GJA1: variants seen among roughly 807,000 people sequenced by gnomAD.
The protein encoded by GJA1 is gap junction alpha-1 protein.
Under a neutral mutation model 31.0 loss-of-function variants are expected in GJA1, and 9 were observed. That is an observed-to-expected ratio of 0.29 (90% CI 0.17 to 0.51). The LOEUF is 0.51. GJA1 is among the 20% of genes least tolerant of loss of function. GJA1 has a pLI of 0.98. For missense variants in GJA1, 278 were observed against 468.8 expected (o/e 0.59, Z 3.76); for synonymous variants, 186 against 180.1 (o/e 1.03, Z -0.26).
rs756786635 is a variant in GJA1 at position 121,447,738 on chromosome 6, T to C, written c.891T>C (p.Ser297=). ...TTACTGGCGACAGAAACAATTCTTC[T>C]TGCCGCAATTACAACAAGCAAGCAA... ...KLVTGDRNNS[S]CRNYNKQASE... is the part of the protein sequence containing the mutation. Residue 297 remains serine, a synonymous_variant, in exon 2 of 2, where the codon TCT becomes TCC. Coordinates refer to ENST00000282561, the MANE Select transcript of GJA1 (RefSeq NM_000165.5). 8.7e-6 allele frequency: 14 copies of C among 1,614,112 alleles called. No homozygotes were observed. The highest frequency in any genetic ancestry group is 1.2e-5 in the Non-Finnish European group (14 of 1,180,008).
chr6:121,437,186 A>G (rs1284614861), intron 1 of GJA1, among the ~76,000 whole-genome samples: 1 of 152,104 alleles, frequency 6.6e-6, no homozygotes, highest in African/African-American at 2.4e-5. Context: ...TTTCCCCCAA[A>G]TCCTCACAAG....
At position 121,447,880 on chromosome 6, in the gene GJA1, A is replaced by G. The variant is rs764494850; in HGVS notation, c.1033A>G (p.Lys345Glu). The G allele has an allele frequency of 1.2e-5, 19 of 1,613,734 alleles. No homozygotes were observed. Among genetic ancestry groups the G allele is most frequent in the Non-Finnish European group, 1.6e-5 (19 of 1,179,856 alleles). ...TTTCCCCGATGATAACCAGAATTCT[A>G]AAAAACTAGCTGCTGGACATGAATT... ...FDFPDDNQNS[K>E]KLAAGHELQP... Residue 345 changes from lysine (K) to glutamate (E), a missense_variant, in exon 2 of 2, where the codon AAA (lysine) becomes GAA (glutamate). Physicochemically the swap from Lys to Glu is moderately conservative, Grantham distance 56. Coordinates refer to ENST00000282561, the MANE Select transcript of GJA1 (RefSeq NM_000165.5).
In GJA1 at chr6:121,447,225, C is replaced by T. The variant is rs1773903286; in HGVS notation, c.378C>T (p.His126=). 1 of 1,613,966 alleles carries T rather than the reference C, an allele frequency of 6.2e-7. No individual in the cohort carries two copies. Among genetic ancestry groups the T allele is most frequent in the Non-Finnish European group, 8.5e-7 (1 of 1,179,990 alleles). ...CTGATGGTGTCAATGTGGACATGCA[C>T]TTGAAGCAGATTGAGATAAAGAAGT... ...AQTDGVNVDM[H]LKQIEIKKFK... The change falls in exon 2 of 2, where the codon CAC becomes CAT. Residue 126 remains histidine (H), a synonymous_variant. Transcript: ENST00000282561.
intron 1 of GJA1, among the ~76,000 whole-genome samples, chr6:121,438,530 G>A (rs548327050): frequency 2.0e-4 from 30 of 151,294 alleles, no homozygotes; most frequent in Non-Finnish European, 3.7e-4. Flanking sequence ...GGTGTAGCTT[G>A]GTTTGAGCCT....
At chr6:121,440,184 C>G (rs1236222595) in intron 1 of GJA1, among the ~76,000 whole-genome samples, 1 of 151,586 alleles carries the variant, frequency 6.6e-6, no homozygotes, top group African/African-American at 2.4e-5. Context: ...AACTAGGGGA[C>G]AACCACACAG....
At chr6:121,446,378 G>A (rs1240760733) in intron 1 of GJA1, among the ~76,000 whole-genome samples, 1 of 152,204 alleles carries the variant, frequency 6.6e-6, no homozygotes, top group Non-Finnish European at 1.5e-5. Flanking sequence ...TTATGGATGT[G>A]TGTTTATAGG....
chr6:121,448,863 A>G lies in GJA1; in HGVS notation c.*867A>G, dbSNP rs1582559548. On this transcript the variant is annotated 3_prime_UTR_variant, in exon 2 of 2. Transcript: ENST00000282561. ...GTTTTGTTTGTCATGTATTGGTACAAGCAGATACAGTATAAACTCACAAAC... is the reference window on the plus strand; with the variant it reads ...GTTTTGTTTGTCATGTATTGGTACAGGCAGATACAGTATAAACTCACAAAC... 6.0e-6 allele frequency: 1 copy of G among 166,992 alleles called. No homozygotes were observed. Among genetic ancestry groups the G allele is most frequent in the Non-Finnish European group, 1.5e-5 (1 of 68,134 alleles). 10.3% of individuals were successfully genotyped at this position (166,992 alleles called of 1,614,324 possible).
Position 121,447,921 on chromosome 6 carries a change from T to C in GJA1, c.1074T>C (p.Ile358=), listed in dbSNP as rs1256963143. The change falls in exon 2 of 2, where the codon ATT becomes ATC. Residue 358 remains isoleucine (I), a synonymous_variant. Coordinates refer to ENST00000282561, the MANE Select transcript of GJA1 (RefSeq NM_000165.5). The part of the protein sequence containing the change: ...AAGHELQPLA[I]VDQRPSSRAS... ...GACATGAATTACAGCCACTAGCCAT[T>C]GTGGACCAGCGACCTTCAAGCAGAG... 2 of 1,613,618 alleles carry C rather than the reference T, an allele frequency of 1.2e-6. No individual in the cohort carries two copies. Among genetic ancestry groups the C allele is most frequent in the African/African-American group, 2.7e-5 (2 of 74,852 alleles).
intron 1 of GJA1, among the ~76,000 whole-genome samples, chr6:121,442,466 G>C (rs1435192402): frequency 3.3e-5 from 5 of 152,210 alleles, no homozygotes. Context: ...GGGCTGTGGA[G>C]CCAAGGCTGA....
intron 1 of GJA1, among the ~76,000 whole-genome samples, chr6:121,446,252 G>A (rs1773887409): frequency 6.6e-6 from 1 of 151,962 alleles, no homozygotes; most frequent in Admixed American, 6.6e-5. Flanking sequence ...CTGAGATTGT[G>A]CCATTGCACT....
chr6:121,435,939 C>T (rs2114266708), intron 1 of GJA1, 107 bp downstream of exon 1: 1 of 152,044 alleles, frequency 6.6e-6, no homozygotes, highest in East Asian at 1.9e-4. Context: ...AATTATGATA[C>T]TGTAAATGGA....
intron 1 of GJA1, among the ~76,000 whole-genome samples, chr6:121,440,934 TTGTTGTTG>T: frequency 2.9e-5 from 4 of 139,694 alleles, no homozygotes; most frequent in Admixed American, 7.1e-5. Flanking sequence ...GTTGTTGTTG[TTGTTGTTG>T]TTTGTCGTTT....
Position 121,447,791 on chromosome 6 carries a change from C to T in GJA1, c.944C>T (p.Ala315Val). ...ASEQNWANYS[A>V]EQNRMGQAGS... Reference sequence around the variant, plus strand: ...GAGCAAAACTGGGCTAATTACAGTGCAGAACAAAATCGAATGGGGCAGGCG... The same window carrying T: ...GAGCAAAACTGGGCTAATTACAGTGTAGAACAAAATCGAATGGGGCAGGCG... The change falls in exon 2 of 2, where the codon GCA (alanine) becomes GTA (valine). Residue 315 changes from alanine (A) to valine (V), a missense_variant. Around this residue, in one of 3 missense-constraint regions of GJA1, gnomAD observed 172 missense variants for 190.9 expected, o/e 0.90. Transcript: ENST00000282561. The T allele has an allele frequency of 1.2e-6, 2 of 1,613,944 alleles. No homozygotes were observed. Among genetic ancestry groups the T allele is most frequent in the Non-Finnish European group, 1.7e-6 (2 of 1,179,942 alleles).
intron 1 of GJA1, among the ~76,000 whole-genome samples, chr6:121,441,792 T>G (rs922394001): frequency 3.9e-5 from 6 of 152,108 alleles, no homozygotes; most frequent in Non-Finnish European, 8.8e-5. Flanking sequence ...GCTAATGACA[T>G]GAAACCTAGC....
At chr6:121,435,913 G>A (rs114435397) in intron 1 of GJA1, 81 bp downstream of exon 1, 235 of 152,204 alleles carry the variant, frequency 1.5e-3, no homozygotes, top group African/African-American at 5.0e-3. Flanking sequence ...TTTAAAATGT[G>A]TTAAATGTAA....
chr6:121,445,396 C>T (rs755970674), intron 1 of GJA1, among the ~76,000 whole-genome samples: 3 of 152,206 alleles, frequency 2.0e-5, no homozygotes, highest in African/African-American at 7.2e-5. Context: ...CCACCCGCCT[C>T]CCAAAGTGCT....
At chr6:121,437,404 A>G (rs1396735028) in intron 1 of GJA1, among the ~76,000 whole-genome samples, 4 of 141,758 alleles carry the variant, frequency 2.8e-5, no homozygotes, top group African/African-American at 1.1e-4. Context: ...GAATCCCACT[A>G]TCTCCGCGTT....
chr6:121,445,572 A>G (rs1377247720), intron 1 of GJA1, among the ~76,000 whole-genome samples: 1 of 113,874 alleles, frequency 8.8e-6, no homozygotes, highest in Non-Finnish European at 2.0e-5. Context: ...ACTTTAAAGT[A>G]TATAACAATG....
chr6:121,445,017 G>T (rs998561950), intron 1 of GJA1, among the ~76,000 whole-genome samples: 1 of 152,154 alleles, frequency 6.6e-6, no homozygotes, highest in Non-Finnish European at 1.5e-5. Context: ...TCTTCTTCTG[G>T]CTCTGTCTAT....
Sources: allele counts gnomAD v4.1 joint callset (sites outside exome capture counted in the v4.1 genomes callset), GRCh38; gene constraint gnomAD v4.1.1; regional missense constraint gnomAD v4.1.1; transcripts MANE v1.5; gene names NCBI Gene and HGNC (gene_info 2026-07-23, HGNC 2026-07-21).